ANKRD28: variants seen among roughly 807,000 people sequenced by gnomAD.
The protein encoded by ANKRD28 is ankyrin repeat domain 28, also known as serine/threonine-protein phosphatase 6 regulatory ankyrin repeat subunit A.
Under a neutral mutation model 126.5 loss-of-function variants are expected in ANKRD28, and 44 were observed. That is an observed-to-expected ratio of 0.35 (90% CI 0.27 to 0.45). The LOEUF is 0.45. Ranked by LOEUF, ANKRD28 falls within the 20% of genes least tolerant of loss-of-function variation. ANKRD28 has a pLI of 1.00. For missense variants in ANKRD28, 1,110 were observed against 1,316.6 expected (o/e 0.84, Z 2.43); for synonymous variants, 442 against 468.5 (o/e 0.94, Z 0.73).
rs190390430 is a variant in ANKRD28, at chr3:15,741,143, G to A, written c.352-3910C>T. On this transcript the variant is annotated intron_variant, in intron 4 of 27. Transcript: ENST00000683139. ...GAACCTGGGAGGCGGAGCTTGCAGT[G>A]AGCCGAGATCGCGCCATTGCACTCC... 3.2e-4 allele frequency among the ~76,000 whole-genome samples: 49 copies of A among 152,102 alleles called. No homozygotes were observed. In the East Asian group the frequency reaches 9.3e-3, roughly 29 times the overall value.
rs1038589699 is a variant in ANKRD28 at position 15,817,449 on chromosome 3, G to A, written c.28-22143C>T. Among the ~76,000 whole-genome samples, 1 of 152,096 alleles carries A rather than the reference G, an allele frequency of 6.6e-6. No individual in the cohort carries two copies. Among genetic ancestry groups the A allele is most frequent in the East Asian group, 1.9e-4 (1 of 5,194 alleles). ...GTACTCACCTTCTAATAAGGGAAAA[G>A]AGAAATAAAAAGTAAACTACAAAGC... is the stretch of plus-strand genomic sequence containing the variant. On this transcript the variant is annotated intron_variant, in intron 1 of 27. Transcript: ENST00000399451. This position sits in a 1 kb window ranked among gnomAD's most constrained non-coding sequence, Gnocchi z 4.5.
At chr3:15,678,665 C>T (rs2067212563) in intron 23 of ANKRD28, among the ~76,000 whole-genome samples, 1 of 152,126 alleles carries the variant, frequency 6.6e-6, no homozygotes, top group African/African-American at 2.4e-5. Flanking sequence ...CTGAATACCA[C>T]CACTTATTAC....
intron 2 of ANKRD28, among the ~76,000 whole-genome samples, chr3:15,769,444 C>G (rs571646267): frequency 1.3e-5 from 2 of 151,904 alleles, no homozygotes; most frequent in Non-Finnish European, 2.9e-5. Context: ...CATTTTAAGG[C>G]TTTTTTAAAA....
chr3:15,743,408 C>T (rs1413440526), intron 4 of ANKRD28, among the ~76,000 whole-genome samples: 1 of 152,062 alleles, frequency 6.6e-6, no homozygotes, highest in Non-Finnish European at 1.5e-5. Flanking sequence ...CAAATAAACA[C>T]AAAGCTTGGA....
At position 15,815,443 on chromosome 3, in the gene ANKRD28, T is replaced by C. The variant is rs964676201; in HGVS notation, c.28-20137A>G. Among the ~76,000 whole-genome samples the C allele has an allele frequency of 1.3e-5, 2 of 152,108 alleles. No individual in the cohort carries two copies. The highest frequency in any genetic ancestry group is 2.9e-5 in the Non-Finnish European group (2 of 68,016). ...TCCTCAGTAGCTGCGACCACAGGCATGCATAACCTCACCCAGTTAATTTTT... is the reference window on the plus strand; with the variant it reads ...TCCTCAGTAGCTGCGACCACAGGCACGCATAACCTCACCCAGTTAATTTTT... On this transcript the variant is annotated intron_variant, in intron 1 of 27. Coordinates refer to the ANKRD28 transcript ENST00000399451. The surrounding 1 kb of genome is among the most constrained non-coding windows in gnomAD (Gnocchi z 4.1).
At chr3:15,723,062 T>G (rs1228197550) in intron 7 of ANKRD28, among the ~76,000 whole-genome samples, 7 of 152,068 alleles carry the variant, frequency 4.6e-5, no homozygotes, top group African/African-American at 1.7e-4. Flanking sequence ...GTCAATAAAG[T>G]CAGTTTTAAA....
intron 3 of ANKRD28, among the ~76,000 whole-genome samples, chr3:15,755,453 G>A (rs536727433): frequency 6.6e-6 from 1 of 152,334 alleles, no homozygotes; most frequent in African/African-American, 2.4e-5. Context: ...TCAGTGGGCT[G>A]TCTAAAGCTA....
At chr3:15,686,144 A>G (rs2068096383) in intron 19 of ANKRD28, 25 bp from the exon 20 acceptor site, 1 of 1,606,840 alleles carries the variant, frequency 6.2e-7, no homozygotes, top group Non-Finnish European at 8.5e-7. Flanking sequence ...GAATAGGTTC[A>G]GTGCTGTCAC....
At chr3:15,850,121 A>G (rs2061605535) in intron 1 of ANKRD28, among the ~76,000 whole-genome samples, 1 of 150,800 alleles carries the variant, frequency 6.6e-6, no homozygotes, top group Non-Finnish European at 1.5e-5. Context: ...AGATGCCAAG[A>G]CAATTCAATG....
chr3:15,678,321 A>G lies in ANKRD28; in HGVS notation c.2595T>C (p.His865=). 6.2e-7 allele frequency: 1 copy of G among 1,611,324 alleles called. No individual in the cohort carries two copies. Among genetic ancestry groups the G allele is most frequent in the South Asian group, 1.1e-5 (1 of 90,698 alleles). The change falls in exon 24 of 28, where the codon CAT becomes CAC. Residue 865 remains histidine (H), a synonymous_variant. Transcript: ENST00000683139. ...TGAGCAGCAGCTGTAAACACTCTAC[A>G]TGGTCTGTGAAGGCGGCTGCATGGA... The part of the protein sequence containing the change: ...TPLHAAAFTD[H]VECLQLLLSH...
chr3:15,730,002 C>G (rs975609103), intron 6 of ANKRD28, among the ~76,000 whole-genome samples: 1 of 152,100 alleles, frequency 6.6e-6, no homozygotes, highest in Non-Finnish European at 1.5e-5. Context: ...GAGGTGTGTG[C>G]CACCACACCC....
In ANKRD28 at chr3:15,833,537, TTA is replaced by T. The variant is rs1007799522; in HGVS notation, c.27+25838_27+25839del. Among the ~76,000 whole-genome samples, 1 of 148,668 alleles carries T rather than the reference TTA, an allele frequency of 6.7e-6. No homozygotes were observed. Among genetic ancestry groups the T allele is most frequent in the African/African-American group, 2.4e-5 (1 of 40,846 alleles). On this transcript the variant is annotated intron_variant, in intron 1 of 27. Transcript: ENST00000399451. The surrounding 1 kb of genome is among the most constrained non-coding windows in gnomAD (Gnocchi z 4.4). ...ACTATATATATATAAAATATATACATTATTTTTTATATATATAATGTGTGTGT... is the reference window on the plus strand; with the variant it reads ...ACTATATATATATAAAATATATACATTTTTTTATATATATAATGTGTGTGT...
intron 8 of ANKRD28, among the ~76,000 whole-genome samples, chr3:15,717,543 T>G (rs2470516): frequency 0.47 from 70,195 of 150,404 alleles, 19,171 homozygotes; most frequent in Non-Finnish European, 0.6. Context: ...AAAAGAAAAA[T>G]AACAAAAACC....
chr3:15,678,979 TG>T (rs1220565141), intron 23 of ANKRD28, among the ~76,000 whole-genome samples: 2 of 152,138 alleles, frequency 1.3e-5, no homozygotes, highest in African/African-American at 4.8e-5. Context: ...AAAACCTTTT[TG>T]GGGGGTAGGG....
At chr3:15,713,411 A>T (rs537226074) in intron 10 of ANKRD28, 116 bp downstream of exon 10, 1 of 750,794 alleles carries the variant, frequency 1.3e-6, no homozygotes, top group African/African-American at 1.8e-5. Flanking sequence ...AGTTCAAGCA[A>T]TTAATACAAC....
At chr3:15,719,455 C>A (rs2455840) in intron 8 of ANKRD28, among the ~76,000 whole-genome samples, 102,312 of 152,050 alleles carry the variant, frequency 0.67, 34,956 homozygotes, top group East Asian at 0.93. Flanking sequence ...AAACAACTAA[C>A]GAATTCTAAA....
At chr3:15,715,689 C>T (rs2072924885) in intron 8 of ANKRD28, among the ~76,000 whole-genome samples, 1 of 152,140 alleles carries the variant, frequency 6.6e-6, no homozygotes, top group African/African-American at 2.4e-5. Context: ...GGACAAGTTG[C>T]CTAACTTCTT....
chr3:15,843,880 G>A lies in ANKRD28; in HGVS notation c.27+15497C>T, dbSNP rs1054647173. 6.6e-6 allele frequency among the ~76,000 whole-genome samples: 1 copy of A among 152,146 alleles called. No homozygotes were observed. The highest frequency in any genetic ancestry group is 1.5e-5 in the Non-Finnish European group (1 of 68,020). On this transcript the variant is annotated intron_variant, in intron 1 of 27. Transcript: ENST00000399451. The surrounding 1 kb of genome is among the most constrained non-coding windows in gnomAD (Gnocchi z 5.2). ...CAAGTTGCAAGAGGCAGAAGATGGAGATGAAAAGGAGAAGACTGAAAGCGT... is the reference window on the plus strand; with the variant it reads ...CAAGTTGCAAGAGGCAGAAGATGGAAATGAAAAGGAGAAGACTGAAAGCGT...
At chr3:15,717,242 T>C (rs1477400990) in intron 8 of ANKRD28, among the ~76,000 whole-genome samples, 1 of 152,120 alleles carries the variant, frequency 6.6e-6, no homozygotes. Context: ...CTTCCGAAGG[T>C]AGCTGGGACT....
Sources: allele counts gnomAD v4.1 joint callset (sites outside exome capture counted in the v4.1 genomes callset), GRCh38; gene constraint gnomAD v4.1.1; non-coding constraint Gnocchi (gnomAD v3.1); transcripts MANE v1.5; gene names NCBI Gene and HGNC (gene_info 2026-07-23, HGNC 2026-07-21).